The following DENND5B variants were observed in gnomAD, a reference collection of about 807,000 sequenced individuals.
DENND5B encodes the protein DENN domain-containing protein 5B.
Under a neutral mutation model 140.6 loss-of-function variants are expected in DENND5B, and 34 were observed. The observed-to-expected ratio is 0.24, with a 90% CI of 0.18 to 0.32. The LOEUF is 0.32. Among genes scored for constraint, DENND5B ranks in the 10% least tolerant of loss-of-function variants. The pLI, the probability that DENND5B is intolerant of heterozygous loss-of-function variation, is 1.00. For synonymous variants in DENND5B, 551 were observed against 562.1 expected, an observed-to-expected ratio of 0.98 and a Z score of 0.28; for missense variants, 1,142 against 1,560.2, an observed-to-expected ratio of 0.73 and a Z score of 4.52.
chr12:31,454,461 T>C (rs912498616), intron 4 of DENND5B, among the ~76,000 whole-genome samples: 3 of 152,220 alleles, frequency 2.0e-5, no homozygotes, highest in African/African-American at 7.2e-5. Flanking sequence ...TTTCTTTTTT[T>C]GAGATGTAGT....
intron 1 of DENND5B, among the ~76,000 whole-genome samples, chr12:31,567,888 C>T (rs1849451074): frequency 6.6e-6 from 1 of 152,172 alleles, no homozygotes; most frequent in South Asian, 2.1e-4. Flanking sequence ...TTTGTAGAGA[C>T]AGGGTCTTGC....
chr12:31,409,320 G>A lies in DENND5B; in HGVS notation c.2746C>T (p.Leu916Phe). The A allele has an allele frequency of 6.4e-7, 1 of 1,568,124 alleles. No homozygotes were observed. Among genetic ancestry groups the A allele is most frequent in the Non-Finnish European group, 8.7e-7 (1 of 1,155,664 alleles). ...EEEREQFLYH[L>F]LSLNAVDYFC... ...TAGTCCACAGCATTGAGAGAAAGAAGGTGGTAAAGAAACTGCTCTCTTTCT... is the reference window on the plus strand; with the variant it reads ...TAGTCCACAGCATTGAGAGAAAGAAAGTGGTAAAGAAACTGCTCTCTTTCT... The change falls in exon 14 of 21, where the codon CTT becomes TTT. Residue 916 changes from leucine (L) to phenylalanine (F), a missense_variant. Physicochemically the swap from Leu to Phe is conservative, Grantham distance 22. Transcript: ENST00000389082.
chr12:31,567,735 CAGG>C (rs1251485338), intron 1 of DENND5B, among the ~76,000 whole-genome samples: 5 of 151,400 alleles, frequency 3.3e-5, no homozygotes, highest in Non-Finnish European at 7.4e-5. Flanking sequence ...TGCTTGAGCC[CAGG>C]AGATTAAGGC....
intron 3 of DENND5B, among the ~76,000 whole-genome samples, chr12:31,461,173 G>T (rs1240279797): frequency 3.3e-5 from 5 of 152,070 alleles, no homozygotes; most frequent in Non-Finnish European, 7.4e-5. Flanking sequence ...TCCATCAGAG[G>T]CTTTTTTCTT....
At chr12:31,445,715 G>C (rs1001674310) in intron 6 of DENND5B, among the ~76,000 whole-genome samples, 1 of 147,826 alleles carries the variant, frequency 6.8e-6, no homozygotes, top group Admixed American at 6.8e-5. Flanking sequence ...AAAAAAAAAG[G>C]GTGCTGGGCT....
At chr12:31,406,614 G>A (rs1425693919) in intron 14 of DENND5B, among the ~76,000 whole-genome samples, 3 of 152,140 alleles carry the variant, frequency 2.0e-5, no homozygotes, top group East Asian at 3.8e-4. Flanking sequence ...GGCATGTTTA[G>A]GGTCAGCAGT....
At chr12:31,528,270 T>C (rs1028604504) in intron 1 of DENND5B, among the ~76,000 whole-genome samples, 2 of 152,218 alleles carry the variant, frequency 1.3e-5, no homozygotes, top group African/African-American at 4.8e-5. Context: ...TGCGCATTCT[T>C]TGGCTTACAG....
At chr12:31,570,853 C>T (rs1486888894) in intron 1 of DENND5B, among the ~76,000 whole-genome samples, 1 of 151,958 alleles carries the variant, frequency 6.6e-6, no homozygotes, top group African/African-American at 2.4e-5. Flanking sequence ...TTGAAACTCA[C>T]AGGTAGGTTT....
At chr12:31,456,287 G>C (rs966822612) in intron 4 of DENND5B, among the ~76,000 whole-genome samples, 2 of 145,502 alleles carry the variant, frequency 1.4e-5, no homozygotes, top group Admixed American at 1.4e-4. Context: ...CTGAGACGGC[G>C]CCACTGCACT....
intron 7 of DENND5B, among the ~76,000 whole-genome samples, chr12:31,441,439 C>T (rs918046418): frequency 4.6e-5 from 7 of 150,844 alleles, no homozygotes; most frequent in African/African-American, 9.7e-5. Flanking sequence ...CTTCCTGCCT[C>T]GTACTCCTAA....
At chr12:31,525,665 T>C (rs900523966) in intron 1 of DENND5B, among the ~76,000 whole-genome samples, 1 of 152,146 alleles carries the variant, frequency 6.6e-6, no homozygotes, top group Admixed American at 6.5e-5. Context: ...TTGATATGTA[T>C]ACGTTAATAA....
At chr12:31,539,112 A>G (rs1325139500) in intron 1 of DENND5B, among the ~76,000 whole-genome samples, 1 of 152,106 alleles carries the variant, frequency 6.6e-6, no homozygotes, top group South Asian at 2.1e-4. Context: ...GATCAACTAT[A>G]TGCCAATAAA....
At chr12:31,590,535 T>A in intron 1 of DENND5B, 171 bp downstream of exon 1, 2 of 807,880 alleles carry the variant, frequency 2.5e-6, no homozygotes, top group East Asian at 7.2e-5. Flanking sequence ...GCACGCGGAA[T>A]AAATAACAAT....
rs533369484 is a variant in DENND5B, at chr12:31,546,819, G to T, written c.127+43887C>A. On this transcript the variant is annotated intron_variant, in intron 1 of 20. Coordinates refer to ENST00000389082, the MANE Select transcript of DENND5B (RefSeq NM_144973.4). ...TACTTTCTGTATACTAAGTTTCCTT[G>T]TTCTATAAAAATATGGTAATATTTG... 7.9e-5 allele frequency among the ~76,000 whole-genome samples: 12 copies of T among 152,286 alleles called. No homozygotes were observed. In the South Asian group the frequency reaches 2.5e-3, roughly 32 times the overall value.
At chr12:31,440,923 A>G (rs1944000995) in intron 7 of DENND5B, among the ~76,000 whole-genome samples, 1 of 152,116 alleles carries the variant, frequency 6.6e-6, no homozygotes, top group African/African-American at 2.4e-5. Flanking sequence ...TTTAGTAGAG[A>G]CGGGGTTTCG....
At position 31,389,509 on chromosome 12, in the gene DENND5B, AAGTC is replaced by A. The variant is rs1249262932; in HGVS notation, c.3467-15_3467-12del. ...AAGCAACCACTTTCTCTGAGGAAAA[AAGTC>A]AGAATTATGTCACAATATGTGTCAA... is the stretch of plus-strand genomic sequence containing the variant. On this transcript the variant is annotated splice_polypyrimidine_tract_variant and intron_variant, in intron 19 of 20. Transcript: ENST00000389082. 1 of 1,567,180 alleles carries A rather than the reference AAGTC, an allele frequency of 6.4e-7. No homozygotes were observed. Among genetic ancestry groups the A allele is most frequent in the Non-Finnish European group, 8.7e-7 (1 of 1,154,734 alleles).
At chr12:31,543,720 T>C (rs1161582410) in intron 1 of DENND5B, among the ~76,000 whole-genome samples, 2 of 152,222 alleles carry the variant, frequency 1.3e-5, no homozygotes, top group Non-Finnish European at 2.9e-5. Context: ...AGAAAGGGAA[T>C]GTTTATTCAA....
intron 3 of DENND5B, among the ~76,000 whole-genome samples, chr12:31,468,303 A>G (rs1202351515): frequency 1.3e-5 from 2 of 152,140 alleles, no homozygotes; most frequent in Non-Finnish European, 2.9e-5. Context: ...TAATGAAAGT[A>G]TCAGATACTA....
At chr12:31,409,945 C>G (rs781649900) in intron 13 of DENND5B, among the ~76,000 whole-genome samples, 1 of 152,100 alleles carries the variant, frequency 6.6e-6, no homozygotes. Context: ...CCTCATTAAG[C>G]CTTGACTAAA....
Sources: allele counts gnomAD v4.1 joint callset (sites outside exome capture counted in the v4.1 genomes callset), GRCh38; gene constraint gnomAD v4.1.1; transcripts MANE v1.5; gene names NCBI Gene and HGNC (gene_info 2026-07-23, HGNC 2026-07-21).